Variants in TRIM54 observed in about 807,000 individuals in gnomAD.
TRIM54 encodes the protein tripartite motif-containing protein 54.
Under a neutral mutation model 42.0 loss-of-function variants are expected in TRIM54, and 40 were observed. The observed-to-expected ratio is 0.95, with a 90% CI of 0.74 to 1.24. The LOEUF is 1.24. Among genes scored for constraint, TRIM54 ranks in the 50% most tolerant of loss-of-function variants. The probability of loss-of-function intolerance (pLI) is 0.00; values close to 1 mark genes in which losing one functional copy is unlikely to be tolerated. For missense variants in TRIM54, 485 were observed against 480.3 expected, an observed-to-expected ratio of 1.01 and a Z score of -0.09; for synonymous variants, 199 against 194.9, an observed-to-expected ratio of 1.02 and a Z score of -0.17.
In TRIM54 at chr2:27,305,696, A is replaced by G; in HGVS notation, c.722A>G (p.Glu241Gly). ...CAGGCGCTGGCCCGGGAGCAAGAGG[A>G]GAAGCTGCAGCGCGTCCGCGGCCTC... Reference protein sequence around the residue: ...LLQALAREQEEKLQRVRGLIR... With the variant: ...LLQALAREQEGKLQRVRGLIR... The change falls in exon 5 of 9, where the codon GAG becomes GGG. Residue 241 changes from glutamate (E) to glycine (G), a missense_variant. By Grantham distance (98) the Glu-to-Gly change is moderately conservative. Coordinates refer to ENST00000380075, the MANE Select transcript of TRIM54 (RefSeq NM_187841.3). 1 of 1,612,962 alleles carries G rather than the reference A, an allele frequency of 6.2e-7. No individual in the cohort carries two copies. The highest frequency in any genetic ancestry group is 8.5e-7 in the Non-Finnish European group (1 of 1,179,678).
intron 1 of TRIM54, among the ~76,000 whole-genome samples, chr2:27,296,874 T>A (rs917987739): frequency 9.9e-5 from 15 of 152,140 alleles, no homozygotes; most frequent in African/African-American, 3.4e-4. Flanking sequence ...TTCTCCTGCC[T>A]CAGCCTCCCA....
chr2:27,292,351 G>A (rs1024458055), intron 1 of TRIM54, among the ~76,000 whole-genome samples: 6 of 152,022 alleles, frequency 3.9e-5, no homozygotes, highest in Admixed American at 2.0e-4. Flanking sequence ...TAGGAGGATC[G>A]CTTGAGGCCA....
At chr2:27,287,253 G>A (rs935683149) in intron 1 of TRIM54, among the ~76,000 whole-genome samples, 6 of 151,886 alleles carry the variant, frequency 4.0e-5, no homozygotes, top group African/African-American at 1.5e-4. Flanking sequence ...CCCAGGTTAA[G>A]TGCAGTGGCA....
chr2:27,307,341 C>T lies in TRIM54; in HGVS notation c.*456C>T. The T allele has an allele frequency of 1.7e-6, 2 of 1,158,496 alleles. No homozygotes were observed. The highest frequency in any genetic ancestry group is 2.3e-6 in the Non-Finnish European group (2 of 851,896). 71.8% of individuals were successfully genotyped at this position (1,158,496 alleles called of 1,614,324 possible). A position where few individuals can be genotyped will look rare whatever the true frequency, so the allele number is the denominator to read the frequency against. On this transcript the variant is annotated 3_prime_UTR_variant, in exon 9 of 9. Transcript: ENST00000380075. This position sits in a 1 kb window ranked among gnomAD's most constrained non-coding sequence, Gnocchi z 6.9. ...TCCCCTCCCGCTGGCCCGGGGGCCCCACCTTCCCACGGGTTCCCACGCTGC... is the reference window on the plus strand; with the variant it reads ...TCCCCTCCCGCTGGCCCGGGGGCCCTACCTTCCCACGGGTTCCCACGCTGC...
chr2:27,284,929 A>G (rs994516758), intron 1 of TRIM54, among the ~76,000 whole-genome samples: 1 of 152,116 alleles, frequency 6.6e-6, no homozygotes, highest in African/African-American at 2.4e-5. Context: ...AACTCTCTCT[A>G]TCCAAGCACA....
At chr2:27,285,786 A>G (rs1678540983) in intron 1 of TRIM54, among the ~76,000 whole-genome samples, 1 of 152,226 alleles carries the variant, frequency 6.6e-6, no homozygotes, top group Non-Finnish European at 1.5e-5. Flanking sequence ...TATTTAAATA[A>G]TCTGTCCTCT....
intron 1 of TRIM54, among the ~76,000 whole-genome samples, chr2:27,293,708 C>A (rs1334090874): frequency 6.6e-6 from 1 of 150,988 alleles, no homozygotes; most frequent in African/African-American, 2.4e-5. Context: ...TACCCTTTTA[C>A]TTTTTTTACT....
chr2:27,294,177 G>A (rs1419681698), intron 1 of TRIM54, among the ~76,000 whole-genome samples: 1 of 152,030 alleles, frequency 6.6e-6, no homozygotes, highest in Non-Finnish European at 1.5e-5. Flanking sequence ...CACCCATGCT[G>A]TAGTGCAGTG....
chr2:27,287,527 A>T (rs1553379608), intron 1 of TRIM54, among the ~76,000 whole-genome samples: 2 of 145,266 alleles, frequency 1.4e-5, no homozygotes, highest in Non-Finnish European at 3.0e-5. Context: ...TTTTAAACTG[A>T]TTTTTTTTTT....
intron 1 of TRIM54, among the ~76,000 whole-genome samples, chr2:27,294,902 A>C (rs935609137): frequency 2.6e-5 from 4 of 151,498 alleles, no homozygotes; most frequent in Admixed American, 1.3e-4. Flanking sequence ...AAAAAAAAAA[A>C]AAAAAAAAGA....
At chr2:27,284,082 G>T (rs1317835395) in intron 1 of TRIM54, among the ~76,000 whole-genome samples, 1 of 152,060 alleles carries the variant, frequency 6.6e-6, no homozygotes, top group African/African-American at 2.4e-5. Flanking sequence ...GCCTTGAGCC[G>T]AGATCATGCC....
intron 4 of TRIM54, 62 bp downstream of exon 4, chr2:27,305,116 C>A: frequency 4.2e-6 from 6 of 1,425,660 alleles, no homozygotes; most frequent in Non-Finnish European, 5.9e-6. Context: ...CCCGGGCTCC[C>A]AAGAGAACTG....
chr2:27,303,920 A>G (rs1313288679), intron 3 of TRIM54, among the ~76,000 whole-genome samples: 1 of 152,262 alleles, frequency 6.6e-6, no homozygotes, highest in East Asian at 1.9e-4. Context: ...AATATCAAAA[A>G]CCAACCATGT....
chr2:27,282,890 C>T lies in TRIM54; in HGVS notation c.159C>T (p.Asp53=), dbSNP rs33994928. Residue 53 remains aspartate, a synonymous_variant, in exon 1 of 9, where the codon GAC becomes GAT. Transcript: ENST00000380075. ...ACCTGTGCCGCAAATGTGCCAACGACGTCTTCCAGGTGGGTGCCAGGGACG... is the reference window on the plus strand; with the variant it reads ...ACCTGTGCCGCAAATGTGCCAACGATGTCTTCCAGGTGGGTGCCAGGGACG... ...QHNLCRKCAN[D]VFQASNPLWQ... The T allele has an allele frequency of 0.056, 90,624 of 1,611,688 alleles. 3,006 individuals carry two copies. Among genetic ancestry groups the T allele is most frequent in the Non-Finnish European group, 0.065 (77,084 of 1,178,678 alleles).
chr2:27,282,699 G>T lies in TRIM54; in HGVS notation c.-33G>T. 6.3e-7 allele frequency: 1 copy of T among 1,589,938 alleles called. No individual in the cohort carries two copies. On this transcript the variant is annotated 5_prime_UTR_variant, in exon 1 of 9. Transcript: ENST00000380075. ...TACAGGCAGTGAGTGAAGGCCAGGA[G>T]CAGGGCCCAGGCCAGGCACGACCAC... is the stretch of plus-strand genomic sequence containing the variant.
intron 1 of TRIM54, among the ~76,000 whole-genome samples, chr2:27,287,491 G>A (rs1321109287): frequency 6.6e-6 from 1 of 151,384 alleles, no homozygotes; most frequent in Non-Finnish European, 1.5e-5. Flanking sequence ...ACAGGCATGA[G>A]CCACTGTTCC....
intron 3 of TRIM54, among the ~76,000 whole-genome samples, chr2:27,302,441 G>A (rs1246122369): frequency 6.7e-6 from 1 of 149,836 alleles, no homozygotes; most frequent in East Asian, 2.0e-4. Context: ...GCGAGACTCC[G>A]TCTAAAAATA....
chr2:27,283,174 G>C (rs775461747), intron 1 of TRIM54, among the ~76,000 whole-genome samples: 11 of 152,162 alleles, frequency 7.2e-5, no homozygotes, highest in Non-Finnish European at 1.6e-4. Context: ...GTGGAAACTG[G>C]GAGGGAGGGT....
chr2:27,296,521 C>T (rs915957362), intron 1 of TRIM54, among the ~76,000 whole-genome samples: 3 of 152,300 alleles, frequency 2.0e-5, no homozygotes, highest in Admixed American at 6.5e-5. Context: ...CCTTTCATCT[C>T]GTTACCATTC....
Sources: gnomAD v4.1 joint callset for allele counts (sites outside exome capture counted in the v4.1 genomes callset) on GRCh38, gnomAD v4.1.1 for gene constraint, Gnocchi (gnomAD v3.1) non-coding constraint, MANE v1.5 for transcripts, NCBI Gene and HGNC (gene_info 2026-07-23, HGNC 2026-07-21) for gene names.